CYP4X1: variants seen among roughly 807,000 people sequenced by gnomAD.
CYP4X1 encodes the protein cytochrome P450 4X1.
CYP4X1 carries 44 observed loss-of-function variants against 57.9 expected under a neutral mutation model. The observed-to-expected ratio is 0.76, with a 90% CI of 0.60 to 0.98. The LOEUF is 0.98. Among genes scored for constraint, CYP4X1 ranks in the 50% least tolerant of loss-of-function variants. The probability of loss-of-function intolerance (pLI) is 0.00; values close to 1 mark genes in which losing one functional copy is unlikely to be tolerated. For synonymous variants in CYP4X1, 227 were observed against 228.6 expected, an observed-to-expected ratio of 0.99 and a Z score of 0.06; for missense variants, 532 against 623.9, an observed-to-expected ratio of 0.85 and a Z score of 1.57.
the CYP4X1 span, among the ~76,000 whole-genome samples, chr1:47,017,759 C>A: frequency 6.6e-6 from 1 of 152,074 alleles, no homozygotes; most frequent in South Asian, 2.1e-4. Flanking sequence ...ACCTAGAAGC[C>A]CCCTCCCTCT....
downstream of CYP4X1, among the ~76,000 whole-genome samples, chr1:47,051,327 C>T (rs139629704): frequency 7.7e-3 from 1,149 of 149,788 alleles, 8 homozygotes; most frequent in African/African-American, 0.026. Context: ...TGCAGTGAGC[C>T]GAGGTGGCGC....
downstream of CYP4X1, among the ~76,000 whole-genome samples, chr1:47,052,890 G>A (rs891043006): frequency 4.6e-5 from 7 of 151,892 alleles, no homozygotes; most frequent in African/African-American, 1.7e-4. Context: ...GTTTATGCTT[G>A]TTTTTCTATG....
upstream of CYP4X1, among the ~76,000 whole-genome samples, chr1:47,022,326 C>CT (rs1332451245): frequency 8.3e-6 from 1 of 121,088 alleles, no homozygotes; most frequent in Non-Finnish European, 1.6e-5. Context: ...GAGTCTCACT[C>CT]TGTCACCAGG....
chr1:46,986,904 G>C, the CYP4X1 span, among the ~76,000 whole-genome samples: 1 of 152,122 alleles, frequency 6.6e-6, no homozygotes. Context: ...AAAAAAACCA[G>C]TACCAGCCAC....
the CYP4X1 span, among the ~76,000 whole-genome samples, chr1:47,007,172 C>T: frequency 1.8e-4 from 27 of 152,314 alleles, no homozygotes; most frequent in East Asian, 4.8e-3. Flanking sequence ...CTGGGAGGCA[C>T]CCTCCAGTAG....
the CYP4X1 span, among the ~76,000 whole-genome samples, chr1:47,008,666 A>C: frequency 6.6e-6 from 1 of 152,214 alleles, no homozygotes; most frequent in African/African-American, 2.4e-5. Context: ...AGTGTGCTGT[A>C]TTCAGGAAAC....
chr1:46,982,006 A>G, the CYP4X1 span, among the ~76,000 whole-genome samples: 3 of 152,302 alleles, frequency 2.0e-5, no homozygotes, highest in East Asian at 5.8e-4. Flanking sequence ...GGGGAGGGAT[A>G]GCATTAGGAG....
At chr1:47,033,669 G>A (rs1401732266) in intron 4 of CYP4X1, among the ~76,000 whole-genome samples, 1 of 152,066 alleles carries the variant, frequency 6.6e-6, no homozygotes, top group Non-Finnish European at 1.5e-5. Flanking sequence ...ATGGAGGGCG[G>A]GTCTGTACAA....
At chr1:47,043,532 T>C (rs573670279) in intron 8 of CYP4X1, among the ~76,000 whole-genome samples, 1 of 152,288 alleles carries the variant, frequency 6.6e-6, no homozygotes, top group African/African-American at 2.4e-5. Context: ...GTTTTGCATC[T>C]GCTTTTGGGT....
At chr1:47,029,158 T>G (rs2148505909) in intron 1 of CYP4X1, among the ~76,000 whole-genome samples, 1 of 152,282 alleles carries the variant, frequency 6.6e-6, no homozygotes, top group Middle Eastern at 3.4e-3. Context: ...TAAGATTACT[T>G]TGCAGCGGGG....
chr1:46,961,689 C>A, the CYP4X1 span: 1 of 1,293,132 alleles, frequency 7.7e-7, no homozygotes. Context: ...CTCTATTTGA[C>A]CCAACCAACT....
At chr1:47,006,371 T>C in the CYP4X1 span, among the ~76,000 whole-genome samples, 8 of 152,212 alleles carry the variant, frequency 5.3e-5, no homozygotes, top group Non-Finnish European at 1.0e-4. Context: ...TAATTCTGTA[T>C]ACAAAATGTC....
the CYP4X1 span, among the ~76,000 whole-genome samples, chr1:47,014,992 T>G: frequency 6.6e-6 from 1 of 152,130 alleles, no homozygotes; most frequent in Non-Finnish European, 1.5e-5. Flanking sequence ...GTCTTTTTTG[T>G]TTTTTGGTTT....
At chr1:47,011,139 G>A in the CYP4X1 span, among the ~76,000 whole-genome samples, 1 of 152,270 alleles carries the variant, frequency 6.6e-6, no homozygotes, top group African/African-American at 2.4e-5. Context: ...GAGGCATAAT[G>A]CTATCTGACT....
the CYP4X1 span, among the ~76,000 whole-genome samples, chr1:47,016,423 G>T: frequency 6.6e-6 from 1 of 151,318 alleles, no homozygotes; most frequent in African/African-American, 2.4e-5. Flanking sequence ...CTCCCCACAA[G>T]CTCCACCTCC....
chr1:46,966,913 G>C, the CYP4X1 span, among the ~76,000 whole-genome samples: 1 of 152,200 alleles, frequency 6.6e-6, no homozygotes, highest in South Asian at 2.1e-4. Flanking sequence ...GTTAGCAAAA[G>C]TATGACTTTG....
At position 47,050,404 on chromosome 1, in the gene CYP4X1, C is replaced by T. The variant is rs955919572; in HGVS notation, c.*230C>T. On this transcript the variant is annotated 3_prime_UTR_variant, in exon 12 of 12. Transcript: ENST00000371901. ...GATCTTTTCTGTTAAACTTTCACTACTATTAATGCTGTATACACCAATAGA... is the reference window on the plus strand; with the variant it reads ...GATCTTTTCTGTTAAACTTTCACTATTATTAATGCTGTATACACCAATAGA... 4.3e-6 allele frequency: 2 copies of T among 468,908 alleles called. No homozygotes were observed. The highest frequency in any genetic ancestry group is 7.7e-6 in the Non-Finnish European group (2 of 258,942). The allele number at this position is 468,908 out of a possible 1,614,324, so 29.0% of individuals were successfully genotyped here.
At chr1:47,050,948 G>T (rs11211427), downstream of CYP4X1, among the ~76,000 whole-genome samples, 1 of 151,948 alleles carries the variant, frequency 6.6e-6, no homozygotes, top group South Asian at 2.1e-4. Context: ...TGAATGGGCA[G>T]CCTACAGAAT....
chr1:46,985,221 G>A, the CYP4X1 span, among the ~76,000 whole-genome samples: 3 of 152,160 alleles, frequency 2.0e-5, no homozygotes, highest in Non-Finnish European at 2.9e-5. Context: ...CCAGCTACTC[G>A]GGAAGCTGAG....
Sources: gnomAD v4.1 joint callset for allele counts (sites outside exome capture counted in the v4.1 genomes callset) on GRCh38, gnomAD v4.1.1 for gene constraint, MANE v1.5 for transcripts, NCBI Gene and HGNC (gene_info 2026-07-23, HGNC 2026-07-21) for gene names.